CLSTN2: variants seen among roughly 807,000 people sequenced by gnomAD.
The protein encoded by CLSTN2 is calsyntenin-2.
Under a neutral mutation model 101.2 loss-of-function variants are expected in CLSTN2, and 48 were observed. The ratio of observed to expected loss-of-function variants is 0.47; its 90% CI spans 0.38 to 0.60. The LOEUF is 0.60. CLSTN2 is among the 20% of genes least tolerant of loss of function. CLSTN2 has a pLI of 0.00. For synonymous variants in CLSTN2, 481 were observed against 463.6 expected (o/e 1.04, Z -0.48); for missense variants, 1,160 against 1,238.2 (o/e 0.94, Z 0.95).
At chr3:140,276,983 C>G (rs2086801044) in intron 2 of CLSTN2, among the ~76,000 whole-genome samples, 1 of 152,158 alleles carries the variant, frequency 6.6e-6, no homozygotes, top group Non-Finnish European at 1.5e-5. Flanking sequence ...CATACAGTTG[C>G]AGACGTGGGC....
chr3:140,205,706 A>T (rs968802521), intron 2 of CLSTN2, among the ~76,000 whole-genome samples: 1 of 149,934 alleles, frequency 6.7e-6, no homozygotes, highest in Non-Finnish European at 1.5e-5. Flanking sequence ...CAGTCAAAAC[A>T]CCACTTTCCA....
intron 2 of CLSTN2, among the ~76,000 whole-genome samples, chr3:140,402,480 G>A (rs2088253337): frequency 6.6e-6 from 1 of 152,168 alleles, no homozygotes; most frequent in Admixed American, 6.5e-5. Flanking sequence ...AGTTCTCTGG[G>A]TATGGGTACA....
chr3:140,242,915 C>T (rs2086483126), intron 2 of CLSTN2, among the ~76,000 whole-genome samples: 1 of 152,218 alleles, frequency 6.6e-6, no homozygotes, highest in Non-Finnish European at 1.5e-5. Context: ...CATACAGGAG[C>T]CACACATGCG....
At chr3:140,373,343 G>A (rs1156939457) in intron 2 of CLSTN2, among the ~76,000 whole-genome samples, 2 of 152,096 alleles carry the variant, frequency 1.3e-5, no homozygotes, top group African/African-American at 2.4e-5. Context: ...GAGAAAGATG[G>A]CCTCTTCCCC....
At chr3:140,470,550 A>G (rs1933818603) in intron 8 of CLSTN2, among the ~76,000 whole-genome samples, 1 of 152,162 alleles carries the variant, frequency 6.6e-6, no homozygotes, top group African/African-American at 2.4e-5. Context: ...GCGGAAGGAG[A>G]AAGCTTTGAC....
rs554492858 is a variant in CLSTN2 at position 140,333,199 on chromosome 3, T to C, written c.233-70430T>C. 2.0e-5 allele frequency among the ~76,000 whole-genome samples: 3 copies of C among 152,332 alleles called. No individual in the cohort carries two copies. In the East Asian group the frequency reaches 5.8e-4, roughly 29 times the overall value. On this transcript the variant is annotated intron_variant, in intron 2 of 16. Transcript: ENST00000458420. Reference sequence around the variant, plus strand: ...TGCACGAGCTTGTTGCCAAGGCATATCAGCATCATCCACCTCCTTCATCTC... The same window carrying C: ...TGCACGAGCTTGTTGCCAAGGCATACCAGCATCATCCACCTCCTTCATCTC...
chr3:140,018,605 G>GTAGTCTGTGGGT (rs2007246703), intron 1 of CLSTN2, among the ~76,000 whole-genome samples: 1 of 152,180 alleles, frequency 6.6e-6, no homozygotes, highest in South Asian at 2.1e-4. Context: ...AAGAAAGTAG[G>GTAGTCTGTGGGT]TAGTCTGTGG....
intron 1 of CLSTN2, among the ~76,000 whole-genome samples, chr3:140,171,298 C>T (rs2010208778): frequency 6.6e-6 from 1 of 152,078 alleles, no homozygotes; most frequent in Non-Finnish European, 1.5e-5. Context: ...CTGCCCTGGG[C>T]ATGGTCCAAT....
intron 9 of CLSTN2, among the ~76,000 whole-genome samples, chr3:140,537,745 C>T (rs533055141): frequency 6.6e-6 from 1 of 152,320 alleles, no homozygotes; most frequent in Admixed American, 6.5e-5. Flanking sequence ...AGATTTCCTA[C>T]TTATCCCATT....
At chr3:140,130,793 TATTTTGCG>T (rs1157379031) in intron 1 of CLSTN2, among the ~76,000 whole-genome samples, 1 of 152,128 alleles carries the variant, frequency 6.6e-6, no homozygotes, top group Non-Finnish European at 1.5e-5. Flanking sequence ...TCCTGTGATA[TATTTTGCG>T]TCTTTGTTTT....
At position 140,466,653 on chromosome 3, in the gene CLSTN2, C is replaced by T. The variant is rs1173287442; in HGVS notation, c.1266C>T (p.Arg422=). The T allele has an allele frequency of 2.5e-6, 4 of 1,614,072 alleles. No homozygotes were observed. In the African/African-American group the frequency reaches 4.0e-5, roughly 16 times the overall value. ...ATGCCCTGTATGTGCACAACTGCCG[C>T]CTCGTCTTTCTCTTGCGGAAGGACT... ...HHYALYVHNC[R]LVFLLRKDFD... is the part of the protein sequence containing the mutation. Residue 422 remains arginine, a synonymous_variant, in exon 8 of 17, where the codon CGC becomes CGT. Coordinates refer to ENST00000458420, the MANE Select transcript of CLSTN2 (RefSeq NM_022131.3).
chr3:140,468,605 C>T (rs58189633), intron 8 of CLSTN2, among the ~76,000 whole-genome samples: 8,972 of 152,252 alleles, frequency 0.059, 862 homozygotes, highest in African/African-American at 0.2. Context: ...TTATTCTCGT[C>T]TCTGCTACAG....
At chr3:139,991,804 GC>G (rs1576389351) in intron 1 of CLSTN2, among the ~76,000 whole-genome samples, 2 of 152,166 alleles carry the variant, frequency 1.3e-5, no homozygotes, top group Admixed American at 6.5e-5. Context: ...TTCTGGCATG[GC>G]TGAATCCAGG....
At chr3:139,981,548 A>G (rs958103294) in intron 1 of CLSTN2, among the ~76,000 whole-genome samples, 6 of 152,214 alleles carry the variant, frequency 3.9e-5, no homozygotes, top group African/African-American at 1.4e-4. Context: ...GTCAATGACT[A>G]TTCCTGCCAG....
chr3:140,363,066 AG>A lies in CLSTN2; in HGVS notation c.233-40562del, dbSNP rs1186229450. 5.9e-5 allele frequency among the ~76,000 whole-genome samples: 9 copies of A among 152,344 alleles called. No individual in the cohort carries two copies. In the South Asian group the frequency reaches 1.9e-3, roughly 32 times the overall value. The stretch of plus-strand genomic sequence containing the variant: ...GAAGTATTATTTATAGTAGCCCAAA[AG>A]TTAACCAAAATGTCCATCAACTGTA... On this transcript the variant is annotated intron_variant, in intron 2 of 16. Transcript: ENST00000458420.
chr3:140,100,519 GT>G (rs765340381), intron 1 of CLSTN2, among the ~76,000 whole-genome samples: 3 of 152,228 alleles, frequency 2.0e-5, no homozygotes, highest in Non-Finnish European at 4.4e-5. Context: ...ACTGAACACT[GT>G]GGGATTCCCT....
At chr3:140,491,335 C>T (rs1934349060) in intron 8 of CLSTN2, among the ~76,000 whole-genome samples, 1 of 152,120 alleles carries the variant, frequency 6.6e-6, no homozygotes, top group African/African-American at 2.4e-5. Flanking sequence ...GTAATGAGCA[C>T]TTAAATGTTT....
intron 8 of CLSTN2, among the ~76,000 whole-genome samples, chr3:140,525,998 TC>T (rs753899705): frequency 6.6e-5 from 10 of 152,078 alleles, no homozygotes; most frequent in Non-Finnish European, 1.2e-4. Context: ...GAGGAACCTT[TC>T]CCCTTGAGAA....
chr3:140,301,626 A>G (rs1194928357), intron 2 of CLSTN2, among the ~76,000 whole-genome samples: 1 of 152,226 alleles, frequency 6.6e-6, no homozygotes, highest in East Asian at 1.9e-4. Context: ...TTCTTGCCCC[A>G]AAAGGGTCAC....
Sources: allele counts gnomAD v4.1 joint callset (sites outside exome capture counted in the v4.1 genomes callset), GRCh38; gene constraint gnomAD v4.1.1; transcripts MANE v1.5; gene names NCBI Gene and HGNC (gene_info 2026-07-23, HGNC 2026-07-21).